The following DDX59 variants were observed in gnomAD, a reference collection of about 807,000 sequenced individuals.
The protein encoded by DDX59 is probable ATP-dependent RNA helicase DDX59.
In DDX59, 30 loss-of-function variants were observed where a neutral mutation model predicts 51.9. The observed-to-expected ratio is 0.58, with a 90% CI of 0.43 to 0.78. The LOEUF (loss-of-function observed/expected upper bound fraction) is 0.78, where lower values mean the gene tolerates loss of function less well. DDX59 is among the 30% of genes least tolerant of loss of function. DDX59 has a pLI of 0.00. For synonymous variants in DDX59, 255 were observed against 253.3 expected (o/e 1.01, Z -0.06); for missense variants, 672 against 730.8 (o/e 0.92, Z 0.93).
chr1:200,661,935 T>C (rs1236493037), intron 3 of DDX59, among the ~76,000 whole-genome samples: 2 of 152,184 alleles, frequency 1.3e-5, no homozygotes, highest in Non-Finnish European at 2.9e-5. Context: ...CCCTTGGTGC[T>C]GTCATCATGA....
intron 5 of DDX59, among the ~76,000 whole-genome samples, chr1:200,649,640 A>C (rs1558116692): frequency 6.6e-6 from 1 of 150,900 alleles, no homozygotes; most frequent in Non-Finnish European, 1.5e-5. Flanking sequence ...AAAAAAAAAA[A>C]AAACACAAAA....
At chr1:200,653,201 T>C (rs1661781083) in intron 4 of DDX59, among the ~76,000 whole-genome samples, 1 of 152,208 alleles carries the variant, frequency 6.6e-6, no homozygotes, top group African/African-American at 2.4e-5. Flanking sequence ...CCACAACTGC[T>C]TCCCCGAACT....
chr1:200,653,996 C>A (rs931647137), intron 4 of DDX59, among the ~76,000 whole-genome samples: 1 of 152,148 alleles, frequency 6.6e-6, no homozygotes, highest in Non-Finnish European at 1.5e-5. Context: ...CAAGTGTGAG[C>A]ACATGAAAAG....
intron 7 of DDX59, 48 bp from the exon 8 acceptor site, chr1:200,644,565 T>TA: frequency 1.3e-6 from 2 of 1,523,358 alleles, no homozygotes; most frequent in South Asian, 1.3e-5. Context: ...TGTAAAATCT[T>TA]AGTGTCTTTT....
intron 3 of DDX59, among the ~76,000 whole-genome samples, chr1:200,661,103 T>C (rs912495828): frequency 6.6e-6 from 1 of 152,164 alleles, no homozygotes; most frequent in Non-Finnish European, 1.5e-5. Context: ...AATGTAAGTA[T>C]GGAACATCTT....
chr1:200,654,330 A>G (rs112768011), intron 4 of DDX59: 4,269 of 152,172 alleles, frequency 0.028, 78 homozygotes, highest in Middle Eastern at 0.051. Flanking sequence ...GGAGAATGGC[A>G]TGAACCCAGG....
chr1:200,648,480 T>C lies in DDX59; in HGVS notation c.1555A>G (p.Asn519Asp). The change falls in exon 7 of 8, where the codon AAT becomes GAT. Residue 519 changes from asparagine to aspartate, a missense_variant. By Grantham distance (23) the Asn-to-Asp change is conservative. Transcript: ENST00000331314. Reference protein sequence around the residue: ...LDLISVRLVVNFDMPSSMDEY... With the variant: ...LDLISVRLVVDFDMPSSMDEY... ...TCCATACTTGAAGGCATATCAAAAT[T>C]GACAACCAGCCTGACACTGATCAAG... 2 of 1,614,190 alleles carry C rather than the reference T, an allele frequency of 1.2e-6. No individual in the cohort carries two copies. Among genetic ancestry groups the C allele is most frequent in the East Asian group, 2.2e-5 (1 of 44,882 alleles).
chr1:200,641,119 G>A (rs1409505728), downstream of DDX59: 24 of 1,268,514 alleles, frequency 1.9e-5, no homozygotes, highest in Non-Finnish European at 2.2e-5. Flanking sequence ...CACCTTGGAT[G>A]ACACGTTACC....
chr1:200,647,571 T>C (rs1017307308), intron 7 of DDX59, among the ~76,000 whole-genome samples: 3 of 150,784 alleles, frequency 2.0e-5, no homozygotes, highest in Middle Eastern at 3.4e-3. Flanking sequence ...TGGTTACTTC[T>C]AGTTTTTTTT....
chr1:200,648,993 C>A, intron 6 of DDX59, 81 bp downstream of exon 6: 10 of 1,361,964 alleles, frequency 7.3e-6, no homozygotes, highest in Non-Finnish European at 9.8e-6. Flanking sequence ...GTTATAAAAA[C>A]CAGCTGTAAT....
intron 1 of DDX59, among the ~76,000 whole-genome samples, chr1:200,669,201 C>T (rs952873026): frequency 6.6e-6 from 1 of 152,162 alleles, no homozygotes; most frequent in African/African-American, 2.4e-5. Context: ...GGCTTTTAAC[C>T]TAATCTGGGG....
rs1487448566 is a variant in DDX59, at chr1:200,644,193, C to A, written c.*61G>T. The A allele has an allele frequency of 2.4e-6, 3 of 1,262,012 alleles. No homozygotes were observed. The highest frequency in any genetic ancestry group is 3.1e-6 in the Non-Finnish European group (3 of 981,146). 78.2% of individuals were successfully genotyped at this position (1,262,012 alleles called of 1,614,324 possible). On this transcript the variant is annotated 3_prime_UTR_variant, in exon 8 of 8. Transcript: ENST00000331314. ...AAATTCATGTACATTTCCATTTATGCAAACCATAATTTTTTGCTGACTATA... is the reference window on the plus strand; with the variant it reads ...AAATTCATGTACATTTCCATTTATGAAAACCATAATTTTTTGCTGACTATA...
At chr1:200,646,149 C>G (rs1661277462) in intron 7 of DDX59, among the ~76,000 whole-genome samples, 1 of 152,078 alleles carries the variant, frequency 6.6e-6, no homozygotes, top group Admixed American at 6.6e-5. Context: ...GCCAGGGCAA[C>G]ATAGCAATAC....
At chr1:200,641,323 T>C, downstream of DDX59, 1 of 825,672 alleles carries the variant, frequency 1.2e-6, no homozygotes, top group Non-Finnish European at 1.7e-6. Flanking sequence ...CTTAGATTTA[T>C]TAAATTAATC....
intron 1 of DDX59, among the ~76,000 whole-genome samples, chr1:200,667,755 C>G (rs989018201): frequency 2.0e-5 from 3 of 152,102 alleles, no homozygotes; most frequent in Non-Finnish European, 4.4e-5. Context: ...ATATGCCAAG[C>G]ACAGTGCTTC....
downstream of DDX59, among the ~76,000 whole-genome samples, chr1:200,643,289 A>AAAAAC (rs756954987): frequency 6.6e-6 from 1 of 152,102 alleles, no homozygotes; most frequent in Non-Finnish European, 1.5e-5. Context: ...GCTATCTCAA[A>AAAAAC]AAAACAAAAC....
At position 200,650,720 on chromosome 1, in the gene DDX59, AC is replaced by A. The variant is rs1661605975; in HGVS notation, c.1063-45del. ...AAAGTTAGTCTTGTTTGACATTAAA[AC>A]CCAGAACCACCCCCAAAAAAGACTG... On this transcript the variant is annotated intron_variant, in intron 4 of 7. Transcript: ENST00000331314. 5 of 1,482,442 alleles carry A rather than the reference AC, an allele frequency of 3.4e-6. No individual in the cohort carries two copies. The African/African-American group carries it at 7.0e-5, about 21-fold the overall frequency. The allele number at this position is 1,482,442 out of a possible 1,614,324, so 91.8% of individuals were successfully genotyped here.
rs773992801 is a variant in DDX59, at chr1:200,649,101, C to T, written c.1440G>A (p.Ser480=). 5.1e-6 allele frequency: 8 copies of T among 1,566,048 alleles called. No homozygotes were observed. The highest frequency in any genetic ancestry group is 6.9e-6 in the Non-Finnish European group (8 of 1,164,224). The change falls in exon 6 of 8, where the codon TCG becomes TCA. Residue 480 remains serine (S), a synonymous_variant. Coordinates refer to ENST00000331314, the MANE Select transcript of DDX59 (RefSeq NM_001031725.6). ...TCAATATGTTTTTCCTTTCTATTTG[C>T]GACTTCTCTGAATGTATAGATATGC... is the stretch of plus-strand genomic sequence containing the variant. ...LKSISIHSEK[S]QIERKNILKG...
chr1:200,665,600 A>C (rs1384980488), intron 2 of DDX59, among the ~76,000 whole-genome samples: 3 of 152,236 alleles, frequency 2.0e-5, no homozygotes, highest in Non-Finnish European at 4.4e-5. Context: ...CTGACACACA[A>C]ACTGTAGCTC....
Sources: gnomAD v4.1 joint callset for allele counts (sites outside exome capture counted in the v4.1 genomes callset) on GRCh38, gnomAD v4.1.1 for gene constraint, MANE v1.5 for transcripts, NCBI Gene and HGNC (gene_info 2026-07-23, HGNC 2026-07-21) for gene names.